The following RBPJ variants were observed in gnomAD, a reference collection of about 807,000 sequenced individuals.
RBPJ encodes the protein recombining binding protein suppressor of hairless.
A neutral mutation model predicts 67.8 loss-of-function variants in RBPJ; 9 were observed. The ratio of observed to expected loss-of-function variants is 0.13; its 90% CI spans 0.08 to 0.23. The LOEUF is 0.23. Among genes scored for constraint, RBPJ ranks in the 10% least tolerant of loss-of-function variants. The probability of loss-of-function intolerance (pLI) is 1.00; values close to 1 mark genes in which losing one functional copy is unlikely to be tolerated. For missense variants in RBPJ, 305 were observed against 595.6 expected (o/e 0.51, Z 5.08); for synonymous variants, 198 against 203.3 (o/e 0.97, Z 0.22).
At chr4:26,114,882 A>G in the RBPJ span, among the ~76,000 whole-genome samples, 1 of 152,222 alleles carries the variant, frequency 6.6e-6, no homozygotes, top group Non-Finnish European at 1.5e-5. Flanking sequence ...CATTATTTAA[A>G]ATACACAAAC....
At chr4:26,149,022 A>G in the RBPJ span, among the ~76,000 whole-genome samples, 14 of 152,290 alleles carry the variant, frequency 9.2e-5, no homozygotes, top group Middle Eastern at 3.4e-3. Flanking sequence ...AAGTCTCCCC[A>G]CAACATGGAA....
At chr4:26,243,051 A>C (rs988588893) in intron 1 of RBPJ, among the ~76,000 whole-genome samples, 1 of 151,878 alleles carries the variant, frequency 6.6e-6, no homozygotes, top group South Asian at 2.1e-4. Context: ...ACATGGAGAA[A>C]CCCCGTCTCT....
At chr4:26,185,405 GGTAATGC>G (rs1250694404) in intron 1 of RBPJ, among the ~76,000 whole-genome samples, 1 of 152,106 alleles carries the variant, frequency 6.6e-6, no homozygotes, top group Admixed American at 6.6e-5. Flanking sequence ...CCACGGTCAG[GGTAATGC>G]GTTTTCCTCA....
the RBPJ span, among the ~76,000 whole-genome samples, chr4:26,122,111 T>C: frequency 6.6e-6 from 1 of 152,152 alleles, no homozygotes; most frequent in Non-Finnish European, 1.5e-5. Context: ...ATTTATAAAT[T>C]ATTAGCCAAA....
upstream of RBPJ, among the ~76,000 whole-genome samples, chr4:26,160,630 G>T (rs1037558570): frequency 3.9e-5 from 6 of 152,316 alleles, no homozygotes; most frequent in South Asian, 1.0e-3. Context: ...GAGATGGTCT[G>T]CTCTTCTCTC....
the RBPJ span, among the ~76,000 whole-genome samples, chr4:26,157,100 A>AC: frequency 5.8e-4 from 78 of 133,990 alleles, no homozygotes; most frequent in Non-Finnish European, 1.2e-3. Context: ...CAAACAAACA[A>AC]AAACAAACAA....
In RBPJ at chr4:26,394,203, A is replaced by G. The variant is rs1731860536; in HGVS notation, c.59+7812A>G. Among the ~76,000 whole-genome samples the G allele has an allele frequency of 2.0e-5, 3 of 151,818 alleles. No homozygotes were observed. In the South Asian group the frequency reaches 6.2e-4, roughly 32 times the overall value. ...CACCACACCCGGCTAATTTTTTTGTATTTTTAGTAGAGACGGGGTTTCACC... is the reference window on the plus strand; with the variant it reads ...CACCACACCCGGCTAATTTTTTTGTGTTTTTAGTAGAGACGGGGTTTCACC... On this transcript the variant is annotated intron_variant, in intron 2 of 10. Transcript: ENST00000355476.
chr4:26,348,970 G>T (rs1032461305), intron 1 of RBPJ, among the ~76,000 whole-genome samples: 3 of 152,120 alleles, frequency 2.0e-5, no homozygotes, highest in African/African-American at 7.2e-5. Context: ...GCCTCCCAAA[G>T]TGTTGAGGTT....
rs1718663335 is a variant in RBPJ at position 26,215,284 on chromosome 4, GAA to G, written c.-167+51672_-167+51673del. 2.8e-5 allele frequency among the ~76,000 whole-genome samples: 2 copies of G among 72,238 alleles called. 1 individual carries two copies. The highest frequency in any genetic ancestry group is 5.1e-5 in the Non-Finnish European group (2 of 39,110). The allele number at this position is 72,238 out of a possible 152,430, so 47.4% of individuals were successfully genotyped here. On this transcript the variant is annotated intron_variant, in intron 1 of 4. Coordinates refer to the RBPJ transcript ENST00000512351. ...GGAAGGGAGGGAGGAAAAAGAGAGA[GAA>G]AGAAAGAGAAAAAGAGAGAGAAAAG...
chr4:26,149,543 G>A, the RBPJ span, among the ~76,000 whole-genome samples: 1 of 152,232 alleles, frequency 6.6e-6, no homozygotes, highest in African/African-American at 2.4e-5. Flanking sequence ...GGATCCTTAA[G>A]AGGTGATTAG....
intron 1 of RBPJ, among the ~76,000 whole-genome samples, chr4:26,341,990 G>A (rs1446127822): frequency 6.6e-6 from 1 of 152,200 alleles, no homozygotes; most frequent in Admixed American, 6.5e-5. Flanking sequence ...GCTGCCCAAA[G>A]CAGAGTTCTC....
At position 26,264,511 on chromosome 4, in the gene RBPJ, T is replaced by C. The variant is rs966059955; in HGVS notation, c.-166-97935T>C. On this transcript the variant is annotated intron_variant, in intron 1 of 4. Coordinates refer to the RBPJ transcript ENST00000512351. The surrounding 1 kb of genome is among the most constrained non-coding windows in gnomAD (Gnocchi z 4.1). ...ATGGAGTTTCTTTCAAATTCTTCAA[T>C]GGTCCTTTGTTGCCCTCACAATTTC... Among the ~76,000 whole-genome samples the C allele has an allele frequency of 3.9e-5, 6 of 152,188 alleles. No individual in the cohort carries two copies. The highest frequency in any genetic ancestry group is 3.9e-4 in the Admixed American group (6 of 15,278).
chr4:26,374,102 G>A (rs1279802332), intron 1 of RBPJ, among the ~76,000 whole-genome samples: 1 of 151,810 alleles, frequency 6.6e-6, no homozygotes, highest in Non-Finnish European at 1.5e-5. Flanking sequence ...ACCATGTCCA[G>A]CTAATTTTTG....
chr4:26,192,123 C>G (rs1717580578), intron 1 of RBPJ, among the ~76,000 whole-genome samples: 1 of 152,032 alleles, frequency 6.6e-6, no homozygotes, highest in African/African-American at 2.4e-5. Flanking sequence ...ATTCTCCTAC[C>G]TCAGCCTCCC....
At chr4:26,338,156 CT>C (rs773976269) in intron 1 of RBPJ, among the ~76,000 whole-genome samples, 477 of 88,990 alleles carry the variant, frequency 5.4e-3, no homozygotes, top group African/African-American at 7.0e-3. Context: ...ATTTTTCTTT[CT>C]TTTTTTTTTT....
rs1736520695 is a variant in RBPJ at position 26,434,737 on chromosome 4, A to T, written c.*3730A>T. 6.6e-6 allele frequency: 1 copy of T among 152,224 alleles called. No homozygotes were observed. Among genetic ancestry groups the T allele is most frequent in the East Asian group, 1.9e-4 (1 of 5,200 alleles). 9.4% of individuals were successfully genotyped at this position (152,224 alleles called of 1,614,324 possible). ...AGCATGCTCTACGCATTCAGTCCTT[A>T]AGGGGTTTATTTTACAAACTGTGCG... On this transcript the variant is annotated 3_prime_UTR_variant, in exon 11 of 11. Transcript: ENST00000355476.
At chr4:26,107,952 C>T in the RBPJ span, among the ~76,000 whole-genome samples, 1 of 152,140 alleles carries the variant, frequency 6.6e-6, no homozygotes, top group Non-Finnish European at 1.5e-5. Context: ...GCTCCTGCTT[C>T]ATCGTGTAAT....
chr4:26,364,075 CTT>C (rs939465008), intron 1 of RBPJ, among the ~76,000 whole-genome samples: 1 of 151,980 alleles, frequency 6.6e-6, no homozygotes, highest in African/African-American at 2.4e-5. Flanking sequence ...TCAGAACTCT[CTT>C]TTAGGTAATA....
the RBPJ span, among the ~76,000 whole-genome samples, chr4:26,156,734 C>T: frequency 6.6e-6 from 1 of 152,076 alleles, no homozygotes; most frequent in East Asian, 1.9e-4. Context: ...GGATTACAGA[C>T]ATGAGCCACC....
Sources: gnomAD v4.1 joint callset for allele counts (sites outside exome capture counted in the v4.1 genomes callset) on GRCh38, gnomAD v4.1.1 for gene constraint, Gnocchi (gnomAD v3.1) non-coding constraint, MANE v1.5 for transcripts, NCBI Gene and HGNC (gene_info 2026-07-23, HGNC 2026-07-21) for gene names.